THEM4: variants seen among roughly 807,000 people sequenced by gnomAD.
THEM4 encodes thioesterase superfamily member 4.
THEM4 carries 22 observed loss-of-function variants against 25.0 expected under a neutral mutation model. The observed-to-expected ratio is 0.88, with a 90% CI of 0.63 to 1.26. The LOEUF is 1.26. Ranked by LOEUF, THEM4 falls within the 50% of genes most tolerant of loss-of-function variation. The pLI is 0.00. For synonymous variants in THEM4, 113 were observed against 105.6 expected, an observed-to-expected ratio of 1.07 and a Z score of -0.43; for missense variants, 286 against 300.3, an observed-to-expected ratio of 0.95 and a Z score of 0.35.
chr1:151,877,328 A>T (rs535507423), intron 4 of THEM4, among the ~76,000 whole-genome samples: 28 of 152,270 alleles, frequency 1.8e-4, no homozygotes, highest in Non-Finnish European at 3.5e-4. Flanking sequence ...CACTGCTCTC[A>T]GGTGGCTCCT....
chr1:151,871,351 A>G lies in THEM4; in HGVS notation c.*3537T>C, dbSNP rs527558271. Among the ~76,000 whole-genome samples, 1 of 151,960 alleles carries G rather than the reference A, an allele frequency of 6.6e-6. No homozygotes were observed. Among genetic ancestry groups the G allele is most frequent in the African/African-American group, 2.4e-5 (1 of 41,444 alleles). ...AAAAAAAAAAAAAAAAAAGAAAAAG[A>G]AAAAAGAAAGGAAAAAGAAGGAAAC... is the stretch of plus-strand genomic sequence containing the variant. On this transcript the variant is annotated 3_prime_UTR_variant, in exon 6 of 6. Coordinates refer to ENST00000368814, the MANE Select transcript of THEM4 (RefSeq NM_053055.5).
rs765062261 is a variant in THEM4 at position 151,888,273 on chromosome 1, CT to C, written c.556del (p.Arg186AspfsTer10). 2.4e-5 allele frequency: 38 copies of C among 1,609,732 alleles called. No individual in the cohort carries two copies. Among genetic ancestry groups the C allele is most frequent in the Non-Finnish European group, 2.5e-5 (30 of 1,177,314 alleles). On this transcript the variant is annotated frameshift_variant and splice_region_variant, in exon 4 of 6. Coordinates refer to ENST00000368814, the MANE Select transcript of THEM4 (RefSeq NM_053055.5). LOFTEE classifies it high-confidence loss of function. ...AAATAGAGAATTACTGTGAATTTACCTTTTATAATTGATGTTGAGATTGGCA... is the reference window on the plus strand; with the variant it reads ...AAATAGAGAATTACTGTGAATTTACCTTTATAATTGATGTTGAGATTGGCA... ...MTANLNINYK[R>X]PIPLCSVVMI... is the part of the protein sequence containing the mutation.
chr1:151,896,220 C>T (rs1036743676), intron 1 of THEM4, among the ~76,000 whole-genome samples: 16 of 151,966 alleles, frequency 1.1e-4, no homozygotes, highest in Non-Finnish European at 1.5e-4. Context: ...TCTCGAACTT[C>T]TGACCTTAGG....
rs1305928744 is a variant in THEM4, at chr1:151,871,044, G to T, written c.*3844C>A. ...GCACTTGGTATAAAGAAGGAAACAG[G>T]TTGAGCAAGGTGGCTCATGCCTGTA... On this transcript the variant is annotated 3_prime_UTR_variant, in exon 6 of 6. Coordinates refer to ENST00000368814, the MANE Select transcript of THEM4 (RefSeq NM_053055.5). Among the ~76,000 whole-genome samples the T allele has an allele frequency of 6.6e-6, 1 of 152,170 alleles. No homozygotes were observed. Among genetic ancestry groups the T allele is most frequent in the African/African-American group, 2.4e-5 (1 of 41,428 alleles).
rs183509947 is a variant in THEM4 at position 151,871,720 on chromosome 1, C to G, written c.*3168G>C. ...AACTGTAAAGGGAAAAAAGTGGATA[C>G]GAAGGGAGGCAGGCATACTTAACAT... On this transcript the variant is annotated 3_prime_UTR_variant, in exon 6 of 6. Coordinates refer to ENST00000368814, the MANE Select transcript of THEM4 (RefSeq NM_053055.5). 6.6e-6 allele frequency among the ~76,000 whole-genome samples: 1 copy of G among 152,144 alleles called. No individual in the cohort carries two copies. Among genetic ancestry groups the G allele is most frequent in the African/African-American group, 2.4e-5 (1 of 41,416 alleles).
chr1:151,892,139 C>T (rs1236122178), intron 2 of THEM4, among the ~76,000 whole-genome samples: 3 of 151,954 alleles, frequency 2.0e-5, no homozygotes, highest in Non-Finnish European at 4.4e-5. Context: ...CAAAGAGGAT[C>T]TCAAACTCCT....
At chr1:151,908,593 A>G (rs1654526696) in intron 1 of THEM4, among the ~76,000 whole-genome samples, 1 of 152,230 alleles carries the variant, frequency 6.6e-6, no homozygotes, top group Admixed American at 6.5e-5. Flanking sequence ...AGGGTGTTAA[A>G]AGAATTTTCT....
chr1:151,894,453 G>A (rs1343100758), intron 2 of THEM4, among the ~76,000 whole-genome samples: 1 of 152,094 alleles, frequency 6.6e-6, no homozygotes, highest in East Asian at 1.9e-4. Flanking sequence ...AGAAATTAGG[G>A]GTGGGGAGGG....
At chr1:151,877,380 G>A (rs961163540) in intron 4 of THEM4, among the ~76,000 whole-genome samples, 10 of 152,074 alleles carry the variant, frequency 6.6e-5, no homozygotes, top group African/African-American at 1.9e-4. Context: ...TGTTTCAAAG[G>A]GATCATCAGG....
In THEM4 at chr1:151,907,854, A is replaced by T. The variant is rs897251911; in HGVS notation, c.99+1506T>A. On this transcript the variant is annotated intron_variant, in intron 1 of 5. Coordinates refer to ENST00000368814, the MANE Select transcript of THEM4 (RefSeq NM_053055.5). Reference sequence around the variant, plus strand: ...TTGGGTGGGGTAGCTCCCTGGCCCCACTTCTTTACTGGCTGGGGTGCATGG... The same window carrying T: ...TTGGGTGGGGTAGCTCCCTGGCCCCTCTTCTTTACTGGCTGGGGTGCATGG... Among the ~76,000 whole-genome samples, 6 of 152,220 alleles carry T rather than the reference A, an allele frequency of 3.9e-5. No homozygotes were observed. In the East Asian group the frequency reaches 1.2e-3, roughly 29 times the overall value.
At chr1:151,879,586 A>G (rs1558188488) in intron 4 of THEM4, among the ~76,000 whole-genome samples, 1 of 151,664 alleles carries the variant, frequency 6.6e-6, no homozygotes, top group East Asian at 1.9e-4. Context: ...GCAGAGTTCT[A>G]TGTTTGTCTA....
At chr1:151,905,379 G>C (rs1327091086) in intron 1 of THEM4, among the ~76,000 whole-genome samples, 2 of 152,034 alleles carry the variant, frequency 1.3e-5, no homozygotes, top group African/African-American at 4.8e-5. Flanking sequence ...TGTGTGACAA[G>C]AACTTAGATG....
At position 151,905,439 on chromosome 1, in the gene THEM4, C is replaced by T. The variant is rs537020069; in HGVS notation, c.99+3921G>A. 2.6e-5 allele frequency among the ~76,000 whole-genome samples: 4 copies of T among 152,108 alleles called. No homozygotes were observed. The South Asian group carries it at 8.3e-4, about 32-fold the overall frequency. On this transcript the variant is annotated intron_variant, in intron 1 of 5. Coordinates refer to ENST00000368814, the MANE Select transcript of THEM4 (RefSeq NM_053055.5). ...TTTTGAGACAGAGTCTCACTCTCAC[C>T]CTAACTGTGTTTGGCGCTCAAATAT...
chr1:151,893,189 T>C (rs971393765), intron 2 of THEM4, among the ~76,000 whole-genome samples: 4 of 151,714 alleles, frequency 2.6e-5, no homozygotes, highest in Admixed American at 6.6e-5. Flanking sequence ...CCGGCCAACA[T>C]TGTGAAACCC....
intron 1 of THEM4, among the ~76,000 whole-genome samples, chr1:151,901,630 G>A (rs529604973): frequency 6.6e-6 from 1 of 152,260 alleles, no homozygotes; most frequent in African/African-American, 2.4e-5. Flanking sequence ...ATCACCTGAA[G>A]TCAGGAGTTC....
chr1:151,893,227 CT>C (rs1186389853), intron 2 of THEM4, among the ~76,000 whole-genome samples: 1 of 151,810 alleles, frequency 6.6e-6, no homozygotes, highest in Admixed American at 6.6e-5. Context: ...TAAAAATAAG[CT>C]GGGTGTGGTG....
intron 4 of THEM4, among the ~76,000 whole-genome samples, chr1:151,887,450 A>T (rs1198412235): frequency 6.6e-6 from 1 of 151,832 alleles, no homozygotes; most frequent in Non-Finnish European, 1.5e-5. Context: ...TAATAATAAT[A>T]AAAAAATTAA....
intron 2 of THEM4, chr1:151,890,589 T>A: frequency 6.0e-6 from 1 of 166,108 alleles, no homozygotes; most frequent in African/African-American, 2.4e-5. Flanking sequence ...TTGAATTAGG[T>A]CATGAGCATC....
At position 151,873,883 on chromosome 1, in the gene THEM4, C is replaced by T. The variant is rs954059927; in HGVS notation, c.*1005G>A. 1.3e-5 allele frequency: 2 copies of T among 152,208 alleles called. No homozygotes were observed. Among genetic ancestry groups the T allele is most frequent in the African/African-American group, 2.4e-5 (1 of 41,448 alleles). 9.4% of individuals were successfully genotyped at this position (152,208 alleles called of 1,614,324 possible). A position where few individuals can be genotyped will look rare whatever the true frequency, so the allele number is the denominator to read the frequency against. ...GCACTTTCAGGAGAATGGCCTTGGT[C>T]AACACCTTGATTTTGAACTTCTGGC... On this transcript the variant is annotated 3_prime_UTR_variant, in exon 6 of 6. Coordinates refer to ENST00000368814, the MANE Select transcript of THEM4 (RefSeq NM_053055.5).
Sources: gnomAD v4.1 joint callset for allele counts (sites outside exome capture counted in the v4.1 genomes callset) on GRCh38, gnomAD v4.1.1 for gene constraint, MANE v1.5 for transcripts, NCBI Gene and HGNC (gene_info 2026-07-23, HGNC 2026-07-21) for gene names.